Variants in PDE4D observed in about 807,000 individuals in gnomAD.
PDE4D encodes 3',5'-cyclic-AMP phosphodiesterase 4D.
PDE4D carries 24 observed loss-of-function variants against 87.4 expected under a neutral mutation model. That is an observed-to-expected ratio of 0.27 (90% CI 0.20 to 0.39). The LOEUF is 0.39. Among genes scored for constraint, PDE4D ranks in the 10% least tolerant of loss-of-function variants. The probability of loss-of-function intolerance (pLI) is 1.00; values close to 1 mark genes in which losing one functional copy is unlikely to be tolerated. For missense variants in PDE4D, 714 were observed against 1,041.0 expected (o/e 0.69, Z 4.32); for synonymous variants, 384 against 383.2 (o/e 1.00, Z -0.02).
chr5:59,860,985 A>G (rs1354171146), intron 1 of PDE4D, among the ~76,000 whole-genome samples: 2 of 151,376 alleles, frequency 1.3e-5, no homozygotes, highest in Admixed American at 6.6e-5. Context: ...CAGCCTCCCA[A>G]GTGGCTGGGA....
chr5:59,660,090 T>C (rs748394641), intron 1 of PDE4D, among the ~76,000 whole-genome samples: 1 of 151,926 alleles, frequency 6.6e-6, no homozygotes, highest in Non-Finnish European at 1.5e-5. Context: ...GAGGCTAAGG[T>C]ACAAGAATCA....
intron 3 of PDE4D, among the ~76,000 whole-genome samples, chr5:59,907,381 A>G (rs958355444): frequency 6.6e-6 from 1 of 152,180 alleles, no homozygotes; most frequent in Non-Finnish European, 1.5e-5. Flanking sequence ...CTAAATTAAG[A>G]GAACTCGTGG....
chr5:60,416,789 T>C (rs989553207), intron 1 of PDE4D, among the ~76,000 whole-genome samples: 32 of 152,366 alleles, frequency 2.1e-4, no homozygotes, highest in African/African-American at 7.7e-4. Flanking sequence ...CTTTAGAGGA[T>C]AATGAACTAG....
chr5:59,240,482 T>G (rs1038955305), intron 1 of PDE4D, among the ~76,000 whole-genome samples: 1 of 152,136 alleles, frequency 6.6e-6, no homozygotes, highest in Non-Finnish European at 1.5e-5. Context: ...CTTCAGATAT[T>G]TGATGAGTGG....
chr5:59,659,348 A>C (rs529981709), intron 1 of PDE4D, among the ~76,000 whole-genome samples: 1 of 152,360 alleles, frequency 6.6e-6, no homozygotes, highest in South Asian at 2.1e-4. Flanking sequence ...AAGAAGTGGA[A>C]GTAAACAGGC....
At chr5:60,337,967 G>A (rs1259792090) in intron 1 of PDE4D, among the ~76,000 whole-genome samples, 4 of 152,086 alleles carry the variant, frequency 2.6e-5, no homozygotes, top group Non-Finnish European at 5.9e-5. Flanking sequence ...TGTATAATGG[G>A]CAATTATAAG....
At chr5:59,924,637 A>G (rs1483399756) in intron 3 of PDE4D, among the ~76,000 whole-genome samples, 1 of 151,960 alleles carries the variant, frequency 6.6e-6, no homozygotes, top group African/African-American at 2.4e-5. Context: ...TCATGCATGG[A>G]GATATAAAGA....
At chr5:60,358,696 CA>C (rs1341567358) in intron 1 of PDE4D, among the ~76,000 whole-genome samples, 1 of 152,116 alleles carries the variant, frequency 6.6e-6, no homozygotes, top group African/African-American at 2.4e-5. Context: ...AGCCCCTTAG[CA>C]GCAAAATATA....
chr5:59,056,679 T>G (rs1762427647), intron 5 of PDE4D, among the ~76,000 whole-genome samples: 1 of 152,120 alleles, frequency 6.6e-6, no homozygotes, highest in Admixed American at 6.5e-5. Flanking sequence ...AACTCCCACT[T>G]ATGAGTGAGA....
At chr5:59,560,451 T>C (rs867385215) in intron 1 of PDE4D, among the ~76,000 whole-genome samples, 1 of 152,214 alleles carries the variant, frequency 6.6e-6, no homozygotes, top group Non-Finnish European at 1.5e-5. Context: ...TGAACTCCAA[T>C]TCAGGGTTAG....
At chr5:60,334,267 T>C (rs1409857801) in intron 1 of PDE4D, among the ~76,000 whole-genome samples, 2 of 152,236 alleles carry the variant, frequency 1.3e-5, no homozygotes, top group Non-Finnish European at 2.9e-5. Context: ...TATTGATTAC[T>C]AGTGCCCTAC....
At position 59,971,090 on chromosome 5, in the gene PDE4D, A is replaced by G. The variant is rs921884429; in HGVS notation, c.272+17398T>C. Among the ~76,000 whole-genome samples the G allele has an allele frequency of 3.0e-3, 462 of 151,768 alleles. 3 individuals are homozygous for G. The highest frequency in any genetic ancestry group is 0.01 in the African/African-American group (425 of 41,444). ...GATGAAATTGGAAATCATCATTCTC[A>G]GTAAACTATCGCAAGAACAAAAAAC... On this transcript the variant is annotated intron_variant, in intron 3 of 16. Transcript: ENST00000502484.
At chr5:59,908,375 G>GT (rs1204589574) in intron 3 of PDE4D, among the ~76,000 whole-genome samples, 1 of 152,072 alleles carries the variant, frequency 6.6e-6, no homozygotes, top group Non-Finnish European at 1.5e-5. Context: ...TTGATTATTG[G>GT]TTACGGCTTC....
intron 1 of PDE4D, among the ~76,000 whole-genome samples, chr5:60,370,767 G>C (rs1760955512): frequency 4.6e-5 from 7 of 152,142 alleles, no homozygotes; most frequent in Admixed American, 4.6e-4. Flanking sequence ...ATATGTGTGT[G>C]TGTGTGTGTG....
chr5:60,332,968 A>G lies in PDE4D; in HGVS notation c.-89-147281T>C, dbSNP rs370130244. On this transcript the variant is annotated intron_variant, in intron 1 of 16. Transcript: ENST00000502484. ...TATAGCATCCTGACATCCAAGGGGC[A>G]TATGCAAAGCTTGGTGCAAGCTGCC... 1.5e-4 allele frequency among the ~76,000 whole-genome samples: 23 copies of G among 152,324 alleles called. No homozygotes were observed. The East Asian group carries it at 4.4e-3, about 29-fold the overall frequency.
At chr5:59,403,145 A>AGGTAGGTAGGTAGG (rs373517250) in intron 1 of PDE4D, among the ~76,000 whole-genome samples, 74 of 130,404 alleles carry the variant, frequency 5.7e-4, no homozygotes, top group East Asian at 1.7e-3. Flanking sequence ...AGGTAGGTAG[A>AGGTAGGTAGGTAGG]CAGACAGACA....
At chr5:59,073,082 G>A (rs1270124104) in intron 5 of PDE4D, among the ~76,000 whole-genome samples, 1 of 152,176 alleles carries the variant, frequency 6.6e-6, no homozygotes, top group Non-Finnish European at 1.5e-5. Flanking sequence ...AAAGGTATCT[G>A]CTTTTAACTA....
chr5:59,730,366 T>C (rs981543309), intron 1 of PDE4D, among the ~76,000 whole-genome samples: 1 of 152,130 alleles, frequency 6.6e-6, no homozygotes, highest in Non-Finnish European at 1.5e-5. Context: ...CAAACCAGGG[T>C]AATTAAAAAA....
chr5:59,257,276 A>T (rs1323980855), intron 1 of PDE4D, among the ~76,000 whole-genome samples: 1 of 152,036 alleles, frequency 6.6e-6, no homozygotes, highest in African/African-American at 2.4e-5. Flanking sequence ...TTGCTGTTTG[A>T]AGCTGATGGA....
Sources: gnomAD v4.1 joint callset for allele counts (sites outside exome capture counted in the v4.1 genomes callset) on GRCh38, gnomAD v4.1.1 for gene constraint, MANE v1.5 for transcripts, NCBI Gene and HGNC (gene_info 2026-07-23, HGNC 2026-07-21) for gene names.